Variants in MED20 observed in about 807,000 individuals in gnomAD.
The protein encoded by MED20 is mediator complex subunit 20, also known as mediator of RNA polymerase II transcription subunit 20.
MED20 carries 19 observed loss-of-function variants against 19.7 expected under a neutral mutation model. The ratio of observed to expected loss-of-function variants is 0.96; its 90% CI spans 0.67 to 1.42. The LOEUF is 1.42. MED20 is among the 40% of genes most tolerant of loss of function. MED20 has a pLI of 0.00. For missense variants in MED20, 225 were observed against 273.0 expected (o/e 0.82, Z 1.24); for synonymous variants, 105 against 104.8 (o/e 1.00, Z -0.01).
In MED20 at chr6:41,909,305, G is replaced by A. The variant is rs754086352; in HGVS notation, c.387C>T (p.Val129=). The A allele has an allele frequency of 1.5e-5, 24 of 1,613,948 alleles. No homozygotes were observed. Among genetic ancestry groups the A allele is most frequent in the Non-Finnish European group, 1.9e-5 (23 of 1,180,032 alleles). Residue 129 remains valine (V), a synonymous_variant, in exon 3 of 4, where the codon GTC becomes GTT. Coordinates refer to ENST00000265350, the MANE Select transcript of MED20 (RefSeq NM_004275.5). ...TGCCCCGGGCACTGGGCCCCATTGT[G>A]ACCGTGCCCACCTTCACCAGGAAGT... ...YCDFLVKVGT[V]TMGPSARGIS... is the part of the protein sequence containing the mutation.
intron 2 of MED20, among the ~76,000 whole-genome samples, chr6:41,913,878 A>C (rs1775253688): frequency 6.6e-6 from 1 of 152,194 alleles, no homozygotes; most frequent in Admixed American, 6.5e-5. Flanking sequence ...AGCCTGGGCA[A>C]CAAGAACAAA....
At chr6:41,915,811 CACAT>C (rs932362636) in intron 2 of MED20, among the ~76,000 whole-genome samples, 1 of 152,076 alleles carries the variant, frequency 6.6e-6, no homozygotes, top group Non-Finnish European at 1.5e-5. Context: ...CATAAATACT[CACAT>C]ACAAAGAAAT....
rs1042743846 is a variant in MED20, at chr6:41,909,566, G to T, written c.170-44C>A. 6 of 1,601,028 alleles carry T rather than the reference G, an allele frequency of 3.7e-6. No individual in the cohort carries two copies. The African/African-American group carries it at 5.4e-5, about 14-fold the overall frequency. On this transcript the variant is annotated intron_variant, in intron 2 of 3. Transcript: ENST00000265350. ...CTATTCATCATCAAGACTTTCACTG[G>T]CAAACCCCAGAGTAGAGTCAAATGA...
chr6:41,907,265 AC>A lies in MED20; in HGVS notation c.445del (p.Val149Ter), dbSNP rs754342186. The part of the protein sequence containing the change: ...SVEVEYGPCV[V>X]ASDCWSLLLE... ...CAGCAGACTCCAGCAGTCACTAGCT[AC>A]CACACAGGGGCCATACTCCACCTGG... On this transcript the variant is annotated frameshift_variant, in exon 4 of 4. Transcript: ENST00000265350. LOFTEE classifies it high-confidence loss of function. The A allele has an allele frequency of 8.7e-6, 14 of 1,613,272 alleles. No homozygotes were observed. The highest frequency in any genetic ancestry group is 1.2e-5 in the Non-Finnish European group (14 of 1,179,774).
chr6:41,908,174 C>T (rs1775104231), intron 3 of MED20, among the ~76,000 whole-genome samples: 1 of 152,202 alleles, frequency 6.6e-6, no homozygotes, highest in Non-Finnish European at 1.5e-5. Context: ...TTCACACTGG[C>T]CTGAATTCCC....
chr6:41,918,123 A>G (rs1225445051), intron 1 of MED20, among the ~76,000 whole-genome samples: 2 of 152,232 alleles, frequency 1.3e-5, no homozygotes, highest in African/African-American at 4.8e-5. Context: ...ACAACGTGCC[A>G]GACTGCATCC....
chr6:41,918,102 A>G (rs1444789217), intron 1 of MED20, among the ~76,000 whole-genome samples: 1 of 152,228 alleles, frequency 6.6e-6, no homozygotes, highest in Non-Finnish European at 1.5e-5. Context: ...TAGGTAACCA[A>G]CTGCCAACCA....
chr6:41,920,271 T>C (rs1043451798), intron 1 of MED20, among the ~76,000 whole-genome samples: 2 of 152,134 alleles, frequency 1.3e-5, no homozygotes, highest in African/African-American at 4.8e-5. Context: ...ATCAATACCC[T>C]TTTTTCCTCT....
At chr6:41,917,305 C>G in intron 1 of MED20, 1 of 171,668 alleles carries the variant, frequency 5.8e-6, no homozygotes, top group South Asian at 1.2e-4. Context: ...GAGGCTCAGG[C>G]AGGAGAATCA....
intron 2 of MED20, among the ~76,000 whole-genome samples, chr6:41,913,985 A>G (rs1010136764): frequency 9.2e-5 from 14 of 151,846 alleles, no homozygotes. Context: ...AAGTACTATG[A>G]TTATCTTCAT....
chr6:41,915,660 G>C (rs1318833108), intron 2 of MED20, among the ~76,000 whole-genome samples: 1 of 152,176 alleles, frequency 6.6e-6, no homozygotes, highest in Non-Finnish European at 1.5e-5. Context: ...AGTGGCAGGT[G>C]CCTGTAGTCC....
In MED20 at chr6:41,906,999, G is replaced by T; in HGVS notation, c.*73C>A. The T allele has an allele frequency of 7.2e-7, 1 of 1,396,336 alleles. No individual in the cohort carries two copies. The highest frequency in any genetic ancestry group is 1.0e-6 in the Non-Finnish European group (1 of 996,992). 86.5% of individuals were successfully genotyped at this position (1,396,336 alleles called of 1,614,324 possible). A position where few individuals can be genotyped will look rare whatever the true frequency, so the allele number is the denominator to read the frequency against. On this transcript the variant is annotated 3_prime_UTR_variant, in exon 4 of 4. Transcript: ENST00000265350. ...CTACCCTGGGTTTCTGGGGTCCAGG[G>T]ACCTGAAAGTCAGCACCTGCTCCTC...
At chr6:41,919,679 C>CA in intron 1 of MED20, among the ~76,000 whole-genome samples, 1 of 152,168 alleles carries the variant, frequency 6.6e-6, no homozygotes, top group Admixed American at 6.5e-5. Context: ...TCTATAATGC[C>CA]AATACTTTGG....
chr6:41,908,776 G>GC (rs1775116404), intron 3 of MED20, among the ~76,000 whole-genome samples: 1 of 152,122 alleles, frequency 6.6e-6, no homozygotes, highest in African/African-American at 2.4e-5. Context: ...CTTCCTACTT[G>GC]CCAGCTGTGT....
chr6:41,909,613 A>G, intron 2 of MED20, 91 bp from the exon 3 acceptor site: 1 of 1,547,770 alleles, frequency 6.5e-7, no homozygotes, highest in Non-Finnish European at 8.8e-7. Context: ...ATGAGGCCAG[A>G]CAGCAATCTG....
intron 2 of MED20, among the ~76,000 whole-genome samples, chr6:41,912,111 T>G (rs1381199793): frequency 6.6e-6 from 1 of 151,044 alleles, no homozygotes; most frequent in East Asian, 1.9e-4. Flanking sequence ...TGTAGTGGCA[T>G]GAACACAGCT....
At chr6:41,912,199 CTTT>C (rs887419565) in intron 2 of MED20, among the ~76,000 whole-genome samples, 4 of 119,274 alleles carry the variant, frequency 3.4e-5, no homozygotes, top group Admixed American at 9.3e-5. Flanking sequence ...CCATGCCCAC[CTTT>C]TTTTTTTTTT....
At chr6:41,910,638 A>C (rs1775168915) in intron 2 of MED20, among the ~76,000 whole-genome samples, 1 of 151,716 alleles carries the variant, frequency 6.6e-6, no homozygotes, top group South Asian at 2.1e-4. Context: ...TCTCCAAAAA[A>C]AAAAAAGAAA....
rs763322721 is a variant in MED20, at chr6:41,907,236, C to G, written c.475G>C (p.Glu159Gln). The change falls in exon 4 of 4, where the codon GAG becomes CAG. Residue 159 changes from glutamate to glutamine, a missense_variant. Physicochemically the swap from Glu to Gln is conservative, Grantham distance 29. Coordinates refer to ENST00000265350, the MANE Select transcript of MED20 (RefSeq NM_004275.5). ...VASDCWSLLL[E>Q]FLQSFLGSHT... ...CTGCCTAGAAAACTCTGTAGGAACT[C>G]GAGCAGCAGACTCCAGCAGTCACTA... 14 of 1,613,950 alleles carry G rather than the reference C, an allele frequency of 8.7e-6. No homozygotes were observed. The highest frequency in any genetic ancestry group is 1.2e-5 in the Non-Finnish European group (14 of 1,179,992).
Sources: allele counts gnomAD v4.1 joint callset (sites outside exome capture counted in the v4.1 genomes callset), GRCh38; gene constraint gnomAD v4.1.1; transcripts MANE v1.5; gene names NCBI Gene and HGNC (gene_info 2026-07-23, HGNC 2026-07-21).